The following OPCML variants were observed in gnomAD, a reference collection of about 807,000 sequenced individuals.
The protein encoded by OPCML is opioid-binding protein/cell adhesion molecule.
In OPCML, 13 loss-of-function variants were observed where a neutral mutation model predicts 37.8. The ratio of observed to expected loss-of-function variants is 0.34; its 90% CI spans 0.22 to 0.55. OPCML has a LOEUF of 0.55. Ranked by LOEUF, OPCML falls within the 20% of genes least tolerant of loss-of-function variation. OPCML has a pLI of 0.91. For missense variants in OPCML, 341 were observed against 435.6 expected, an observed-to-expected ratio of 0.78 and a Z score of 1.93; for synonymous variants, 176 against 168.8, an observed-to-expected ratio of 1.04 and a Z score of -0.33.
chr11:132,642,283 A>G (rs750275491), intron 3 of OPCML, among the ~76,000 whole-genome samples: 2 of 152,176 alleles, frequency 1.3e-5, no homozygotes, highest in Non-Finnish European at 2.9e-5. Flanking sequence ...ATTCTCTCTC[A>G]ATGAGTACAA....
At chr11:133,406,803 G>A (rs1592271363) in intron 1 of OPCML, among the ~76,000 whole-genome samples, 1 of 152,190 alleles carries the variant, frequency 6.6e-6, no homozygotes, top group Non-Finnish European at 1.5e-5. Context: ...CAGTGAGCAG[G>A]CCATCCGGCT....
At chr11:133,390,502 T>G (rs555043628) in intron 1 of OPCML, among the ~76,000 whole-genome samples, 1 of 152,050 alleles carries the variant, frequency 6.6e-6, no homozygotes, top group East Asian at 1.9e-4. Flanking sequence ...AAAAGGTAGC[T>G]GCAAGTCTGA....
At chr11:133,386,903 G>A (rs905234207) in intron 1 of OPCML, among the ~76,000 whole-genome samples, 3 of 152,156 alleles carry the variant, frequency 2.0e-5, no homozygotes, top group Non-Finnish European at 4.4e-5. Context: ...GAATGCTCAG[G>A]GTATCTGTGA....
At chr11:132,828,079 C>T (rs1463728115) in intron 2 of OPCML, among the ~76,000 whole-genome samples, 1 of 152,044 alleles carries the variant, frequency 6.6e-6, no homozygotes, top group Admixed American at 6.5e-5. Flanking sequence ...GATGAGTTAT[C>T]AAACATAAAA....
intron 1 of OPCML, chr11:133,421,687 GCCTT>G: frequency 2.0e-6 from 2 of 985,146 alleles, no homozygotes; most frequent in Non-Finnish European, 2.4e-6. Context: ...ATTGAAACTT[GCCTT>G]CCTTATTGTG....
At chr11:132,451,731 T>A (rs114917063) in intron 4 of OPCML, among the ~76,000 whole-genome samples, 3,915 of 152,166 alleles carry the variant, frequency 0.026, 158 homozygotes, top group African/African-American at 0.088. Flanking sequence ...GGGTGGAAGG[T>A]GTGGGCCATC....
At chr11:133,311,752 C>T (rs1943071978) in intron 1 of OPCML, among the ~76,000 whole-genome samples, 1 of 152,120 alleles carries the variant, frequency 6.6e-6, no homozygotes, top group Non-Finnish European at 1.5e-5. Flanking sequence ...GAGAGCAAGT[C>T]AAAGTCAAGG....
intron 1 of OPCML, chr11:133,422,147 G>A (rs1945901955): frequency 3.1e-6 from 3 of 982,956 alleles, no homozygotes; most frequent in African/African-American, 1.8e-5. Context: ...GCCCCGATGT[G>A]TTTGTTTGTT....
chr11:133,221,387 G>A (rs146770501), intron 1 of OPCML, among the ~76,000 whole-genome samples: 8 of 152,342 alleles, frequency 5.3e-5, no homozygotes, highest in African/African-American at 1.7e-4. Context: ...TGCATGACCT[G>A]AGCAAAGTCG....
chr11:133,241,667 A>C lies in OPCML; in HGVS notation c.61+290597T>G, dbSNP rs115914989. Among the ~76,000 whole-genome samples, 255 of 152,336 alleles carry C rather than the reference A, an allele frequency of 1.7e-3. 1 individual carries two copies. Among genetic ancestry groups the C allele is most frequent in the African/African-American group, 5.8e-3 (242 of 41,576 alleles). On this transcript the variant is annotated intron_variant, in intron 1 of 7. Transcript: ENST00000524381. ...AAAGAGATCATAGGTAATGTAGTTC[A>C]CCTTCCCTCCTAATGTAAGGATTCC...
intron 4 of OPCML, among the ~76,000 whole-genome samples, chr11:132,496,572 C>A (rs1164186152): frequency 6.6e-6 from 1 of 152,254 alleles, no homozygotes. Context: ...TGCATGCCCA[C>A]TTCCTGGCTT....
intron 3 of OPCML, among the ~76,000 whole-genome samples, chr11:132,570,755 GTA>G (rs71477765): frequency 0.098 from 2,942 of 30,002 alleles, 75 homozygotes; most frequent in Non-Finnish European, 0.13. Flanking sequence ...AGGAAAGAGA[GTA>G]TATATATATA....
chr11:133,455,788 A>C (rs1292026630), intron 1 of OPCML, among the ~76,000 whole-genome samples: 1 of 152,204 alleles, frequency 6.6e-6, no homozygotes, highest in Admixed American at 6.5e-5. Context: ...ATGAGCTCTG[A>C]AAACTAGTCA....
chr11:132,684,131 A>T (rs1006451627), intron 2 of OPCML, among the ~76,000 whole-genome samples: 2 of 152,230 alleles, frequency 1.3e-5, no homozygotes, highest in Non-Finnish European at 2.9e-5. Flanking sequence ...ATGAACTGAG[A>T]GATTAAAACT....
chr11:132,561,561 GC>G (rs2096410844), intron 3 of OPCML, among the ~76,000 whole-genome samples: 1 of 152,204 alleles, frequency 6.6e-6, no homozygotes, highest in African/African-American at 2.4e-5. Flanking sequence ...CTCAATAAAT[GC>G]CTATTGTTGG....
intron 1 of OPCML, among the ~76,000 whole-genome samples, chr11:133,166,320 C>T (rs1180706509): frequency 6.6e-6 from 1 of 152,148 alleles, no homozygotes; most frequent in African/African-American, 2.4e-5. Context: ...TTCATTTACT[C>T]CATGCAATAG....
At chr11:132,874,134 T>A (rs183131656) in intron 2 of OPCML, among the ~76,000 whole-genome samples, 1 of 152,350 alleles carries the variant, frequency 6.6e-6, no homozygotes, top group East Asian at 1.9e-4. Flanking sequence ...GTTTAATGAC[T>A]GCCATCAATT....
intron 1 of OPCML, among the ~76,000 whole-genome samples, chr11:133,429,408 T>C (rs1946071653): frequency 6.6e-6 from 1 of 152,190 alleles, no homozygotes; most frequent in Non-Finnish European, 1.5e-5. Flanking sequence ...CAGATTTCAC[T>C]TTTTACTCCA....
intron 4 of OPCML, among the ~76,000 whole-genome samples, chr11:132,448,123 G>T (rs1355108854): frequency 6.6e-6 from 1 of 152,150 alleles, no homozygotes; most frequent in African/African-American, 2.4e-5. Context: ...GTCTTTTCAG[G>T]GTATTGGGGA....
Sources: gnomAD v4.1 joint callset for allele counts (sites outside exome capture counted in the v4.1 genomes callset) on GRCh38, gnomAD v4.1.1 for gene constraint, MANE v1.5 for transcripts, NCBI Gene and HGNC (gene_info 2026-07-23, HGNC 2026-07-21) for gene names.